PIBF1: variants seen among roughly 807,000 people sequenced by gnomAD.
PIBF1 encodes progesterone immunomodulatory binding factor 1, also known as progesterone-induced-blocking factor 1.
Under a neutral mutation model 112.5 loss-of-function variants are expected in PIBF1, and 90 were observed. The ratio of observed to expected loss-of-function variants is 0.80; its 90% CI spans 0.67 to 0.95. The LOEUF (loss-of-function observed/expected upper bound fraction) is 0.95, where lower values mean the gene tolerates loss of function less well. Among genes scored for constraint, PIBF1 ranks in the 40% least tolerant of loss-of-function variants. The probability of loss-of-function intolerance (pLI) is 0.00; values close to 1 mark genes in which losing one functional copy is unlikely to be tolerated. For synonymous variants in PIBF1, 301 were observed against 288.6 expected (o/e 1.04, Z -0.44); for missense variants, 915 against 852.3 (o/e 1.07, Z -0.92).
chr13:72,808,386 A>G lies in PIBF1; in HGVS notation c.672+10360A>G, dbSNP rs146324783. Reference sequence around the variant, plus strand: ...GTCTTTTCTTTTAGAAATGGGTCACATGTTCCTCTTTCTTCAGATGTCAAG... The same window carrying G: ...GTCTTTTCTTTTAGAAATGGGTCACGTGTTCCTCTTTCTTCAGATGTCAAG... On this transcript the variant is annotated intron_variant, in intron 5 of 17. Transcript: ENST00000326291. Among the ~76,000 whole-genome samples the G allele has an allele frequency of 4.6e-3, 700 of 152,328 alleles. 2 individuals carry two copies. The highest frequency in any genetic ancestry group is 7.7e-3 in the South Asian group (37 of 4,830).
At chr13:72,879,758 C>A (rs147525390) in intron 10 of PIBF1, among the ~76,000 whole-genome samples, 11 of 151,952 alleles carry the variant, frequency 7.2e-5, no homozygotes, top group African/African-American at 2.7e-4. Flanking sequence ...AGCCTGCAAG[C>A]TAAGATTGGT....
intron 5 of PIBF1, among the ~76,000 whole-genome samples, chr13:72,809,739 G>A (rs1014495510): frequency 6.6e-5 from 10 of 151,704 alleles, no homozygotes; most frequent in South Asian, 2.1e-4. Flanking sequence ...ACAGGCATGC[G>A]CCACCATGCC....
intron 11 of PIBF1, among the ~76,000 whole-genome samples, chr13:72,903,233 G>A (rs1282467809): frequency 6.6e-6 from 1 of 151,996 alleles, no homozygotes; most frequent in East Asian, 1.9e-4. Flanking sequence ...ATCTATAAAT[G>A]GTATAATTAT....
intron 16 of PIBF1, among the ~76,000 whole-genome samples, chr13:72,985,550 CAGAAAA>C (rs1432084364): frequency 1.3e-5 from 2 of 150,714 alleles, no homozygotes; most frequent in African/African-American, 2.4e-5. Flanking sequence ...TCTCAAAAAA[CAGAAAA>C]AGAAAAAGAA....
At chr13:72,918,804 A>G in intron 13 of PIBF1, among the ~76,000 whole-genome samples, 1 of 151,786 alleles carries the variant, frequency 6.6e-6, no homozygotes, top group Non-Finnish European at 1.5e-5. Flanking sequence ...CCCAGGTTCA[A>G]GCAATTCTCC....
chr13:72,859,640 G>A (rs2038603839), intron 10 of PIBF1, among the ~76,000 whole-genome samples: 1 of 152,032 alleles, frequency 6.6e-6, no homozygotes, highest in Admixed American at 6.6e-5. Flanking sequence ...ATTTTAATAG[G>A]AATAAATGTA....
intron 16 of PIBF1, among the ~76,000 whole-genome samples, chr13:72,985,760 A>G (rs1332836862): frequency 6.6e-6 from 1 of 152,090 alleles, no homozygotes; most frequent in African/African-American, 2.4e-5. Context: ...TACTCTGAAA[A>G]CCAGTGCTCT....
intron 16 of PIBF1, among the ~76,000 whole-genome samples, chr13:72,991,144 G>A (rs910033495): frequency 5.9e-5 from 9 of 152,136 alleles, no homozygotes; most frequent in African/African-American, 1.7e-4. Flanking sequence ...ATGCAATACT[G>A]TTAAGCAGCT....
chr13:72,806,280 A>T (rs908469577), intron 5 of PIBF1, among the ~76,000 whole-genome samples: 2 of 152,010 alleles, frequency 1.3e-5, no homozygotes, highest in Admixed American at 6.6e-5. Context: ...TCGTCATATG[A>T]GTAGAGTCCT....
At chr13:72,810,433 CAA>C (rs2035953672) in intron 5 of PIBF1, among the ~76,000 whole-genome samples, 2 of 152,268 alleles carry the variant, frequency 1.3e-5, no homozygotes, top group South Asian at 2.1e-4. Flanking sequence ...AGAATTTTGT[CAA>C]GAGTACTTCC....
intron 2 of PIBF1, among the ~76,000 whole-genome samples, chr13:72,788,604 A>C (rs1425873065): frequency 6.6e-6 from 1 of 152,200 alleles, no homozygotes; most frequent in African/African-American, 2.4e-5. Context: ...GGATAGTGGA[A>C]AAGGGGGCAT....
intron 2 of PIBF1, among the ~76,000 whole-genome samples, chr13:72,784,006 A>C (rs2034452367): frequency 6.6e-6 from 1 of 152,200 alleles, no homozygotes; most frequent in Admixed American, 6.5e-5. Flanking sequence ...ATTGGACAGC[A>C]TGGTGGCTAT....
intron 5 of PIBF1, among the ~76,000 whole-genome samples, chr13:72,810,499 G>A (rs2035956892): frequency 6.6e-6 from 1 of 152,080 alleles, no homozygotes; most frequent in African/African-American, 2.4e-5. Flanking sequence ...TTATCTTGAG[G>A]TTCATCTTAA....
chr13:72,996,763 T>A (rs1328003065), intron 16 of PIBF1, among the ~76,000 whole-genome samples: 1 of 151,462 alleles, frequency 6.6e-6, no homozygotes, highest in Admixed American at 6.6e-5. Context: ...CAAGACCCTG[T>A]CTCTAAAAAA....
intron 17 of PIBF1, among the ~76,000 whole-genome samples, chr13:73,010,433 T>G (rs1405135523): frequency 6.6e-6 from 1 of 151,748 alleles, no homozygotes; most frequent in Non-Finnish European, 1.5e-5. Flanking sequence ...TGAAACCCCA[T>G]CTCTATTAAA....
At chr13:72,918,502 C>G (rs1336885443) in intron 13 of PIBF1, among the ~76,000 whole-genome samples, 1 of 151,198 alleles carries the variant, frequency 6.6e-6, no homozygotes, top group Non-Finnish European at 1.5e-5. Context: ...GTTCTCCTGC[C>G]TCAGTCTCCC....
intron 8 of PIBF1, among the ~76,000 whole-genome samples, chr13:72,834,353 A>G (rs1040013284): frequency 1.3e-5 from 2 of 152,210 alleles, no homozygotes; most frequent in Admixed American, 6.5e-5. Flanking sequence ...TGCTGGGTGC[A>G]GTGGCTCACA....
chr13:72,879,385 G>C (rs1040869842), intron 10 of PIBF1, among the ~76,000 whole-genome samples: 1 of 152,134 alleles, frequency 6.6e-6, no homozygotes, highest in Non-Finnish European at 1.5e-5. Flanking sequence ...TTCTGAGTTA[G>C]GAGTGTAGGG....
chr13:72,865,928 C>T (rs1183100822), intron 10 of PIBF1, among the ~76,000 whole-genome samples: 1 of 152,154 alleles, frequency 6.6e-6, no homozygotes, highest in Non-Finnish European at 1.5e-5. Flanking sequence ...ATTGCCAAAA[C>T]TTGGTGGCAA....
Sources: gnomAD v4.1 joint callset for allele counts (sites outside exome capture counted in the v4.1 genomes callset) on GRCh38, gnomAD v4.1.1 for gene constraint, MANE v1.5 for transcripts, NCBI Gene and HGNC (gene_info 2026-07-23, HGNC 2026-07-21) for gene names.